MTA1: variants seen among roughly 807,000 people sequenced by gnomAD.
MTA1 encodes the protein metastasis-associated protein MTA1.
Under a neutral mutation model 97.0 loss-of-function variants are expected in MTA1, and 15 were observed. The ratio of observed to expected loss-of-function variants is 0.15; its 90% CI spans 0.10 to 0.24. The LOEUF is 0.24. Ranked by LOEUF, MTA1 falls within the 10% of genes least tolerant of loss-of-function variation. MTA1 has a pLI of 1.00. For synonymous variants in MTA1, 435 were observed against 417.5 expected, an observed-to-expected ratio of 1.04 and a Z score of -0.51; for missense variants, 709 against 1,015.1, an observed-to-expected ratio of 0.70 and a Z score of 4.10.
Position 105,424,162 on chromosome 14 carries a change from C to T in MTA1, c.28+4099C>T, listed in dbSNP as rs2081938024. 6.7e-6 allele frequency among the ~76,000 whole-genome samples: 1 copy of T among 150,118 alleles called. No individual in the cohort carries two copies. Among genetic ancestry groups the T allele is most frequent in the South Asian group, 2.1e-4 (1 of 4,812 alleles). On this transcript the variant is annotated intron_variant, in intron 1 of 20. Coordinates refer to ENST00000331320, the MANE Select transcript of MTA1 (RefSeq NM_004689.4). The surrounding 1 kb of genome is among the most constrained non-coding windows in gnomAD (Gnocchi z 4.0). The stretch of plus-strand genomic sequence containing the variant: ...CCAGGCAGGATGGGCCACTGAGCTT[C>T]TCCTGCCTCAGCCACTGAGCACTCC...
intron 2 of MTA1, among the ~76,000 whole-genome samples, chr14:105,444,401 T>C (rs1435760794): frequency 1.3e-5 from 2 of 151,548 alleles, no homozygotes; most frequent in African/African-American, 4.9e-5. Flanking sequence ...ATGGTGTAAT[T>C]GGACTGTGGT....
At chr14:105,460,588 C>T (rs1555430818) in intron 9 of MTA1, 131 bp downstream of exon 9, 1 of 1,184,000 alleles carries the variant, frequency 8.4e-7, no homozygotes, top group Non-Finnish European at 1.2e-6. Context: ...GCTGTCCCAC[C>T]TGGACTGGCC....
At position 105,463,900 on chromosome 14, in the gene MTA1, C is replaced by A. The variant is rs2083457886; in HGVS notation, c.1077-132C>A. On this transcript the variant is annotated intron_variant, in intron 12 of 20. Coordinates refer to ENST00000331320, the MANE Select transcript of MTA1 (RefSeq NM_004689.4). The surrounding 1 kb of genome is among the most constrained non-coding windows in gnomAD (Gnocchi z 5.9). ...GAACTGAAAGGGGAGAAAGGAAGATCCCTGCCGAGGCCGAGGGGTGCGAGG... is the reference window on the plus strand; with the variant it reads ...GAACTGAAAGGGGAGAAAGGAAGATACCTGCCGAGGCCGAGGGGTGCGAGG... The A allele has an allele frequency of 1.2e-6, 1 of 841,732 alleles. No homozygotes were observed. The highest frequency in any genetic ancestry group is 2.0e-6 in the Non-Finnish European group (1 of 504,328). 52.1% of individuals were successfully genotyped at this position (841,732 alleles called of 1,614,324 possible).
intron 2 of MTA1, among the ~76,000 whole-genome samples, chr14:105,442,746 G>GGAACAC (rs2082582332): frequency 9.1e-5 from 1 of 11,008 alleles, no homozygotes; most frequent in African/African-American, 3.5e-4. Flanking sequence ...GAACACAGCA[G>GGAACAC]AACACAACAG....
At chr14:105,439,013 C>T (rs1321596512) in intron 2 of MTA1, among the ~76,000 whole-genome samples, 1 of 152,146 alleles carries the variant, frequency 6.6e-6, no homozygotes, top group African/African-American at 2.4e-5. Context: ...TGCTGGGTCC[C>T]CTGAAGATGC....
At position 105,464,123 on chromosome 14, in the gene MTA1, G is replaced by A. The variant is rs1555431803; in HGVS notation, c.1168G>A (p.Gly390Ser). The A allele has an allele frequency of 6.2e-7, 1 of 1,610,882 alleles. No individual in the cohort carries two copies. The highest frequency in any genetic ancestry group is 8.5e-7 in the Non-Finnish European group (1 of 1,179,346). The change falls in exon 13 of 21, where the codon GGC becomes AGC. Residue 390 changes from glycine to serine, a missense_variant. Transcript: ENST00000331320. Reference protein sequence around the residue: ...TGAPGQSPGAGRACESCYTTQ... With the variant: ...TGAPGQSPGASRACESCYTTQ... Reference sequence around the variant, plus strand: ...GGCGCCGGGCCAGAGCCCTGGGGCTGGCCGGGCCTGCGAGAGCTGTTACAG... The same window carrying A: ...GGCGCCGGGCCAGAGCCCTGGGGCTAGCCGGGCCTGCGAGAGCTGTTACAG...
chr14:105,421,509 G>A (rs1220783921), intron 1 of MTA1, among the ~76,000 whole-genome samples: 2 of 152,228 alleles, frequency 1.3e-5, no homozygotes, highest in African/African-American at 2.4e-5. Context: ...CCCCACCCAT[G>A]TTGGGGGTGG....
chr14:105,425,466 G>A (rs587743121), intron 1 of MTA1, among the ~76,000 whole-genome samples: 1 of 152,176 alleles, frequency 6.6e-6, no homozygotes, highest in African/African-American at 2.4e-5. Context: ...TATAGAGGCG[G>A]AGTCTCACTA....
In MTA1 at chr14:105,464,166, C is replaced by T. The variant is rs372696775; in HGVS notation, c.1192+19C>T. On this transcript the variant is annotated intron_variant, in intron 13 of 20. Coordinates refer to ENST00000331320, the MANE Select transcript of MTA1 (RefSeq NM_004689.4). ...TGTTACAGTAAGTGCCCTGGATGGC[C>T]GGGGGCACACCGCACGCCCGCCTGT... 1.1e-5 allele frequency: 18 copies of T among 1,600,278 alleles called. No homozygotes were observed. Among genetic ancestry groups the T allele is most frequent in the East Asian group, 4.5e-5 (2 of 44,764 alleles).
intron 8 of MTA1, 100 bp downstream of exon 8, chr14:105,458,472 C>T: frequency 1.9e-6 from 2 of 1,058,784 alleles, no homozygotes; most frequent in Non-Finnish European, 2.8e-6. Context: ...TCTTGGATCC[C>T]ATATCCCAAC....
chr14:105,466,424 A>AGGGG lies in MTA1; in HGVS notation c.1625-1_1625insGGGG. On this transcript the variant is annotated splice_acceptor_variant, in intron 16 of 20. Coordinates refer to ENST00000331320, the MANE Select transcript of MTA1 (RefSeq NM_004689.4). LOFTEE classifies it high-confidence loss of function. Reference sequence around the variant, plus strand: ...TCGTTCTGCCTGTGTCATTCCCGGCAGAGACCCACCCCCGCCCCCCCAAGC... The same window carrying AGGGG: ...TCGTTCTGCCTGTGTCATTCCCGGCAGGGGGAGACCCACCCCCGCCCCCCCAAGC... 1 of 1,550,338 alleles carries AGGGG rather than the reference A, an allele frequency of 6.5e-7. No homozygotes were observed. Among genetic ancestry groups the AGGGG allele is most frequent in the Non-Finnish European group, 8.8e-7 (1 of 1,132,590 alleles).
chr14:105,444,258 C>T (rs2082640657), intron 2 of MTA1, among the ~76,000 whole-genome samples: 1 of 151,768 alleles, frequency 6.6e-6, no homozygotes, highest in Admixed American at 6.6e-5. Context: ...GCCTGTAGTC[C>T]CAGCTACTCG....
At chr14:105,428,237 T>G (rs587736525) in intron 1 of MTA1, among the ~76,000 whole-genome samples, 1 of 152,274 alleles carries the variant, frequency 6.6e-6, no homozygotes, top group African/African-American at 2.4e-5. Flanking sequence ...CCGTTTTGCC[T>G]TGTCCAGAAT....
chr14:105,452,691 T>A (rs1459730219), intron 6 of MTA1, among the ~76,000 whole-genome samples: 3 of 152,008 alleles, frequency 2.0e-5, no homozygotes, highest in African/African-American at 7.3e-5. Flanking sequence ...CCAAAAAAAA[T>A]AAAAGATCCA....
chr14:105,465,174 C>G lies in MTA1; in HGVS notation c.1615C>G (p.Arg539Gly). 1 of 1,519,864 alleles carries G rather than the reference C, an allele frequency of 6.6e-7. No homozygotes were observed. Among genetic ancestry groups the G allele is most frequent in the Non-Finnish European group, 8.9e-7 (1 of 1,127,118 alleles). The allele number at this position is 1,519,864 out of a possible 1,614,324, so 94.1% of individuals were successfully genotyped here. The change falls in exon 16 of 21, where the codon CGG becomes GGG. Residue 539 changes from arginine (R) to glycine (G), a missense_variant. Coordinates refer to ENST00000331320, the MANE Select transcript of MTA1 (RefSeq NM_004689.4). The stretch of plus-strand genomic sequence containing the variant: ...ACGCAAGCCGCTGGAAGCCGTGCTT[C>G]GGTATCTTGGTGAGCAGCCAGGCGT... ...AVRKPLEAVLRYLETHPRPPK... is the reference protein window; with the variant it reads ...AVRKPLEAVLGYLETHPRPPK...
chr14:105,470,380 C>A lies in MTA1; in HGVS notation c.*165C>A, dbSNP rs781787480. ...CACTGGGGGAGGAGAGGAAGAAGCGCGGCTAACTTATTCCGAGAATGCCGA... is the reference window on the plus strand; with the variant it reads ...CACTGGGGGAGGAGAGGAAGAAGCGAGGCTAACTTATTCCGAGAATGCCGA... On this transcript the variant is annotated 3_prime_UTR_variant, in exon 21 of 21. Transcript: ENST00000331320. 6.9e-5 allele frequency: 39 copies of A among 566,004 alleles called. No individual in the cohort carries two copies. The highest frequency in any genetic ancestry group is 1.7e-4 in the Admixed American group (4 of 23,668). 35.1% of individuals were successfully genotyped at this position (566,004 alleles called of 1,614,324 possible). A position where few individuals can be genotyped will look rare whatever the true frequency, so the allele number is the denominator to read the frequency against.
chr14:105,441,930 G>C (rs1228549320), intron 2 of MTA1, among the ~76,000 whole-genome samples: 6 of 152,350 alleles, frequency 3.9e-5, no homozygotes, highest in Admixed American at 3.9e-4. Flanking sequence ...TCAGATGAGA[G>C]GAAAGCTCTT....
At chr14:105,449,258 C>G (rs1418299198) in intron 3 of MTA1, 101 bp from the exon 4 acceptor site, 15 of 1,285,900 alleles carry the variant, frequency 1.2e-5, no homozygotes, top group Non-Finnish European at 2.1e-6. Context: ...CCGTTCTGCC[C>G]TGCCCCCTGG....
At chr14:105,421,645 C>G (rs1035824244) in intron 1 of MTA1, among the ~76,000 whole-genome samples, 1 of 152,232 alleles carries the variant, frequency 6.6e-6, no homozygotes, top group African/African-American at 2.4e-5. Context: ...CCTGGCTGCC[C>G]CCCCTCCAAC....
Sources: gnomAD v4.1 joint callset for allele counts (sites outside exome capture counted in the v4.1 genomes callset) on GRCh38, gnomAD v4.1.1 for gene constraint, Gnocchi (gnomAD v3.1) non-coding constraint, MANE v1.5 for transcripts, NCBI Gene and HGNC (gene_info 2026-07-23, HGNC 2026-07-21) for gene names.